FHIT: variants seen among roughly 807,000 people sequenced by gnomAD.
The protein encoded by FHIT is bis(5'-adenosyl)-triphosphatase.
A neutral mutation model predicts 17.9 loss-of-function variants in FHIT; 19 were observed. The observed-to-expected ratio is 1.06, with a 90% CI of 0.74 to 1.56. The LOEUF (loss-of-function observed/expected upper bound fraction) is 1.56. FHIT is among the 40% of genes most tolerant of loss of function. The pLI is 0.00. For missense variants in FHIT, 248 were observed against 189.2 expected, an observed-to-expected ratio of 1.31 and a Z score of -1.82; for synonymous variants, 81 against 69.7, an observed-to-expected ratio of 1.16 and a Z score of -0.81.
At chr3:60,795,480 G>T (rs1472487039) in intron 4 of FHIT, among the ~76,000 whole-genome samples, 1 of 149,932 alleles carries the variant, frequency 6.7e-6, no homozygotes, top group Non-Finnish European at 1.5e-5. Context: ...TTTAGCCATG[G>T]TTCTTTTTCC....
intron 4 of FHIT, among the ~76,000 whole-genome samples, chr3:60,679,671 G>T (rs2040701500): frequency 6.6e-6 from 1 of 151,844 alleles, no homozygotes; most frequent in African/African-American, 2.4e-5. Flanking sequence ...GTATAATAAT[G>T]AATTTTTGCC....
chr3:59,984,643 G>A lies in FHIT; in HGVS notation c.279+26728C>T, dbSNP rs141652134. 8.3e-3 allele frequency among the ~76,000 whole-genome samples: 1,260 copies of A among 152,170 alleles called. 18 individuals are homozygous for A. Among genetic ancestry groups the A allele is most frequent in the South Asian group, 0.036 (171 of 4,810 alleles). ...ATGAGAAGGGTGAGTCCCAGAGAAT[G>A]GAACCAAGGCACACAGCCTTGGCTA... On this transcript the variant is annotated intron_variant, in intron 7 of 9. Transcript: ENST00000492590.
At chr3:61,049,457 T>C (rs1259643141) in intron 2 of FHIT, among the ~76,000 whole-genome samples, 1 of 151,950 alleles carries the variant, frequency 6.6e-6, no homozygotes, top group African/African-American at 2.4e-5. Flanking sequence ...TATCCAGATA[T>C]AGGAAACTAC....
At chr3:60,872,460 T>G (rs537027474) in intron 3 of FHIT, among the ~76,000 whole-genome samples, 2 of 152,222 alleles carry the variant, frequency 1.3e-5, no homozygotes, top group South Asian at 4.1e-4. Flanking sequence ...TCCCCCTCCT[T>G]CTTTCCTTCT....
rs1263752421 is a variant in FHIT at position 60,541,836 on chromosome 3, G to T, written c.-17-4857C>A. On this transcript the variant is annotated intron_variant, in intron 4 of 9. Transcript: ENST00000492590. ...CATTGCCAGAAGAAGTCATGTACCA[G>T]AAGTTTCTTTCAGGATAATGGAATA... Among the ~76,000 whole-genome samples, 6 of 152,332 alleles carry T rather than the reference G, an allele frequency of 3.9e-5. No individual in the cohort carries two copies. In the East Asian group the frequency reaches 1.2e-3, roughly 29 times the overall value.
chr3:61,060,896 T>C (rs937893816), intron 2 of FHIT, among the ~76,000 whole-genome samples: 2 of 152,174 alleles, frequency 1.3e-5, no homozygotes, highest in East Asian at 1.9e-4. Flanking sequence ...AGTCTTAGGA[T>C]TGGAGGTCAA....
Position 60,642,831 on chromosome 3 carries a change from G to A in FHIT, c.-17-105852C>T, listed in dbSNP as rs532177566. On this transcript the variant is annotated intron_variant, in intron 4 of 9. Transcript: ENST00000492590. ...ACCTGCTGCTTTCTCTGCCCTTAAT[G>A]TGCTTTCCTCCCTTCCTTCACTTGT... Among the ~76,000 whole-genome samples the A allele has an allele frequency of 5.9e-5, 9 of 152,180 alleles. No homozygotes were observed. The South Asian group carries it at 1.9e-3, about 32-fold the overall frequency.
chr3:60,097,871 C>G (rs1449468088), intron 5 of FHIT, among the ~76,000 whole-genome samples: 101 of 124,498 alleles, frequency 8.1e-4, no homozygotes, highest in African/African-American at 2.5e-3. Context: ...CCCCGCCCCC[C>G]ACCCCACAAC....
chr3:60,597,902 A>C (rs1356600260), intron 4 of FHIT, among the ~76,000 whole-genome samples: 1 of 152,164 alleles, frequency 6.6e-6, no homozygotes, highest in African/African-American at 2.4e-5. Context: ...AAGAACAACA[A>C]AAGTAGATTG....
chr3:60,379,737 A>G, intron 5 of FHIT, among the ~76,000 whole-genome samples: 1 of 152,108 alleles, frequency 6.6e-6, no homozygotes, highest in East Asian at 1.9e-4. Flanking sequence ...TTAGAGATCC[A>G]TTTTTGAAAA....
intron 7 of FHIT, among the ~76,000 whole-genome samples, chr3:59,953,922 T>C (rs747350222): frequency 2.6e-5 from 4 of 152,226 alleles, no homozygotes; most frequent in Non-Finnish European, 5.9e-5. Context: ...AGTGTGTTAA[T>C]GGAGTGTTCT....
At chr3:60,117,516 A>AAAAAAAAAC (rs1705025266) in intron 5 of FHIT, among the ~76,000 whole-genome samples, 1 of 150,932 alleles carries the variant, frequency 6.6e-6, no homozygotes, top group African/African-American at 2.4e-5. Flanking sequence ...AAAAAAAAAA[A>AAAAAAAAAC]AAAGACACTG....
chr3:61,199,756 G>C (rs181974062), intron 2 of FHIT, among the ~76,000 whole-genome samples: 10 of 151,794 alleles, frequency 6.6e-5, no homozygotes, highest in Admixed American at 6.5e-4. Context: ...AAAAATGACA[G>C]AAAAAAACCC....
At chr3:60,675,496 C>T (rs781857400) in intron 4 of FHIT, among the ~76,000 whole-genome samples, 2 of 152,134 alleles carry the variant, frequency 1.3e-5, no homozygotes, top group African/African-American at 2.4e-5. Flanking sequence ...TCAAAAGTTA[C>T]GAAGAGTAGA....
intron 5 of FHIT, among the ~76,000 whole-genome samples, chr3:60,188,260 G>T: frequency 7.9e-6 from 1 of 127,290 alleles, no homozygotes; most frequent in African/African-American, 3.0e-5. Flanking sequence ...ACAGAATTCA[G>T]TTCCTTCAAA....
chr3:60,457,478 C>G (rs1231261854), intron 5 of FHIT, among the ~76,000 whole-genome samples: 1 of 151,878 alleles, frequency 6.6e-6, no homozygotes. Flanking sequence ...CATAAAAACC[C>G]TAGAAGAAAA....
chr3:60,477,589 T>C (rs1443891905), intron 5 of FHIT, among the ~76,000 whole-genome samples: 1 of 152,224 alleles, frequency 6.6e-6, no homozygotes, highest in South Asian at 2.1e-4. Context: ...TTCATATTAA[T>C]GTCTGCATTT....
rs1025410604 is a variant in FHIT, at chr3:59,839,998, T to C, written c.348+82348A>G. 1.2e-4 allele frequency among the ~76,000 whole-genome samples: 18 copies of C among 152,312 alleles called. 1 individual carries two copies. The highest frequency in any genetic ancestry group is 9.2e-4 in the Admixed American group (14 of 15,290). ...TTCATGTTTCACCACTGAATCTCACTTCTCACTTTTAGTTAAATCCCTTCT... is the reference window on the plus strand; with the variant it reads ...TTCATGTTTCACCACTGAATCTCACCTCTCACTTTTAGTTAAATCCCTTCT... On this transcript the variant is annotated intron_variant, in intron 8 of 9. Coordinates refer to ENST00000492590, the MANE Select transcript of FHIT (RefSeq NM_002012.4).
At chr3:60,620,404 T>C (rs1250777014) in intron 4 of FHIT, among the ~76,000 whole-genome samples, 1 of 152,166 alleles carries the variant, frequency 6.6e-6, no homozygotes, top group African/African-American at 2.4e-5. Flanking sequence ...TGAGATGACC[T>C]TCAGTAAGTG....
Sources: gnomAD v4.1 joint callset for allele counts (sites outside exome capture counted in the v4.1 genomes callset) on GRCh38, gnomAD v4.1.1 for gene constraint, MANE v1.5 for transcripts, NCBI Gene and HGNC (gene_info 2026-07-23, HGNC 2026-07-21) for gene names.